The following PTPRM variants were observed in gnomAD, a reference collection of about 807,000 sequenced individuals.
PTPRM encodes the protein protein tyrosine phosphatase receptor type M.
PTPRM carries 47 observed loss-of-function variants against 186.7 expected under a neutral mutation model. The ratio of observed to expected loss-of-function variants is 0.25; its 90% CI spans 0.20 to 0.32. PTPRM has a LOEUF of 0.32. Ranked by LOEUF, PTPRM falls within the 10% of genes least tolerant of loss-of-function variation. The pLI is 1.00. For missense variants in PTPRM, 1,494 were observed against 1,865.0 expected (o/e 0.80, Z 3.66); for synonymous variants, 668 against 674.9 (o/e 0.99, Z 0.16).
intron 8 of PTPRM, among the ~76,000 whole-genome samples, chr18:8,074,652 A>G (rs1389455409): frequency 6.6e-6 from 1 of 152,180 alleles, no homozygotes; most frequent in Non-Finnish European, 1.5e-5. Flanking sequence ...CTTGCTAGCT[A>G]ATGATACTGA....
chr18:7,954,896 C>G (rs555657488), intron 6 of PTPRM, among the ~76,000 whole-genome samples: 1 of 152,238 alleles, frequency 6.6e-6, no homozygotes, highest in Non-Finnish European at 1.5e-5. Flanking sequence ...AGGGTTATGC[C>G]TACTTGAATA....
At chr18:8,179,176 T>G (rs11663439) in intron 14 of PTPRM, among the ~76,000 whole-genome samples, 51,985 of 152,126 alleles carry the variant, frequency 0.34, 9,002 homozygotes, top group Non-Finnish European at 0.37. Flanking sequence ...GCGAAAGAAG[T>G]CAGATTATTA....
intron 5 of PTPRM, among the ~76,000 whole-genome samples, chr18:7,928,063 C>G (rs541775868): frequency 6.6e-6 from 1 of 152,156 alleles, no homozygotes; most frequent in Non-Finnish European, 1.5e-5. Context: ...TTATTCTTCT[C>G]TTTCTGGGGA....
chr18:8,275,127 G>A (rs2094818650), intron 19 of PTPRM, among the ~76,000 whole-genome samples: 1 of 152,240 alleles, frequency 6.6e-6, no homozygotes, highest in African/African-American at 2.4e-5. Context: ...TTTATAAGGA[G>A]GCTAAAAATG....
intron 1 of PTPRM, among the ~76,000 whole-genome samples, chr18:7,580,154 T>C (rs2036805694): frequency 6.6e-6 from 1 of 152,098 alleles, no homozygotes. Context: ...TCTTAAAGAG[T>C]ATGAGGATTG....
chr18:8,306,425 GCAA>G (rs2095222703), intron 20 of PTPRM, among the ~76,000 whole-genome samples: 1 of 152,154 alleles, frequency 6.6e-6, no homozygotes, highest in African/African-American at 2.4e-5. Context: ...TTCATTTCCT[GCAA>G]AATGTGAATG....
At chr18:8,109,297 A>T (rs2091657750) in intron 11 of PTPRM, among the ~76,000 whole-genome samples, 3 of 152,202 alleles carry the variant, frequency 2.0e-5, no homozygotes, top group African/African-American at 7.2e-5. Flanking sequence ...GATAAAGGGG[A>T]CTAGAAAAGA....
Position 8,137,507 on chromosome 18 carries a change from C to T in PTPRM, c.2168-6140C>T, listed in dbSNP as rs151264848. 3.7e-3 allele frequency among the ~76,000 whole-genome samples: 571 copies of T among 152,312 alleles called. 1 individual carries two copies. The highest frequency in any genetic ancestry group is 0.01 in the Middle Eastern group (3 of 294). ...GGGCAGTAGCCTTCCCATGGCTCCC[C>T]AACTTCCTTCCCTTCCCTTCTTCAG... On this transcript the variant is annotated intron_variant, in intron 13 of 32. Transcript: ENST00000580170.
At chr18:8,240,640 A>C (rs1476142405) in intron 14 of PTPRM, among the ~76,000 whole-genome samples, 1 of 39,384 alleles carries the variant, frequency 2.5e-5, no homozygotes, top group African/African-American at 1.2e-4. Context: ...AGAGAGAGAG[A>C]GAGAGAGAGA....
chr18:7,768,922 AG>A (rs1458102698), intron 1 of PTPRM, among the ~76,000 whole-genome samples: 1 of 152,032 alleles, frequency 6.6e-6, no homozygotes, highest in African/African-American at 2.4e-5. Context: ...CTGGGATTAC[AG>A]GTGTGAGCCA....
chr18:7,832,540 T>C (rs2045815418), intron 2 of PTPRM, among the ~76,000 whole-genome samples: 1 of 152,200 alleles, frequency 6.6e-6, no homozygotes, highest in Non-Finnish European at 1.5e-5. Flanking sequence ...AGATGGGTAG[T>C]TTGCAAATAT....
Position 7,567,752 on chromosome 18 carries a change from CG to C in PTPRM, c.-65del. 1.4e-6 allele frequency: 2 copies of C among 1,402,236 alleles called. No homozygotes were observed. Among genetic ancestry groups the C allele is most frequent in the Non-Finnish European group, 1.9e-6 (2 of 1,054,796 alleles). 86.9% of individuals were successfully genotyped at this position (1,402,236 alleles called of 1,614,324 possible). A position where few individuals can be genotyped will look rare whatever the true frequency, so the allele number is the denominator to read the frequency against. Reference sequence around the variant, plus strand: ...CTCGCTGCCTCGGAACCAAAGCTCCCGGCCCCCTCCGCCCTCGCGCGCCCAC... The same window carrying C: ...CTCGCTGCCTCGGAACCAAAGCTCCCGCCCCCTCCGCCCTCGCGCGCCCAC... On this transcript the variant is annotated 5_prime_UTR_variant, in exon 1 of 33. Coordinates refer to ENST00000580170, the MANE Select transcript of PTPRM (RefSeq NM_001105244.2). This position sits in a 1 kb window ranked among gnomAD's most constrained non-coding sequence, Gnocchi z 4.3.
chr18:8,119,690 G>A (rs8099028), intron 13 of PTPRM, among the ~76,000 whole-genome samples: 16,193 of 152,074 alleles, frequency 0.11, 1,233 homozygotes, highest in African/African-American at 0.21. Context: ...TATTTGATCC[G>A]AATTCATTTT....
chr18:7,830,514 C>T (rs2045705089), intron 2 of PTPRM, among the ~76,000 whole-genome samples: 1 of 152,206 alleles, frequency 6.6e-6, no homozygotes, highest in Non-Finnish European at 1.5e-5. Flanking sequence ...TAGCCTATTG[C>T]TCCAACCACC....
chr18:7,793,688 G>T (rs368899331), intron 2 of PTPRM, among the ~76,000 whole-genome samples: 5 of 152,174 alleles, frequency 3.3e-5, no homozygotes, highest in African/African-American at 1.2e-4. Context: ...GGGAAGGGAA[G>T]GGTGTGGTCA....
At chr18:8,243,769 A>G (rs1310616642) in intron 14 of PTPRM, among the ~76,000 whole-genome samples, 1 of 152,172 alleles carries the variant, frequency 6.6e-6, no homozygotes, top group African/African-American at 2.4e-5. Context: ...GGTCATTTTA[A>G]TCTAGCTTAT....
intron 1 of PTPRM, among the ~76,000 whole-genome samples, chr18:7,657,828 A>G (rs866575922): frequency 6.6e-6 from 1 of 152,222 alleles, no homozygotes; most frequent in Non-Finnish European, 1.5e-5. Flanking sequence ...CCAGGGAACA[A>G]TGAGGATTTT....
chr18:8,117,139 A>T (rs899736757), intron 13 of PTPRM, among the ~76,000 whole-genome samples: 2 of 152,204 alleles, frequency 1.3e-5, no homozygotes, highest in African/African-American at 2.4e-5. Flanking sequence ...GTCCCTATTG[A>T]TACTAGAAAT....
At position 8,226,857 on chromosome 18, in the gene PTPRM, CT is replaced by C. The variant is rs531952037; in HGVS notation, c.2301-17195del. Among the ~76,000 whole-genome samples the C allele has an allele frequency of 1.7e-3, 253 of 152,196 alleles. 2 individuals are homozygous for C. Among genetic ancestry groups the C allele is most frequent in the Middle Eastern group, 3.4e-3 (1 of 292 alleles). ...TCTAAGAGAGAATTCATTTCCTGGC[CT>C]TTTTTCCACTTCTGGAGACTACCCG... On this transcript the variant is annotated intron_variant, in intron 14 of 32. Transcript: ENST00000580170.
Sources: allele counts gnomAD v4.1 joint callset (sites outside exome capture counted in the v4.1 genomes callset), GRCh38; gene constraint gnomAD v4.1.1; non-coding constraint Gnocchi (gnomAD v3.1); transcripts MANE v1.5; gene names NCBI Gene and HGNC (gene_info 2026-07-23, HGNC 2026-07-21).